SORCS1: variants seen among roughly 807,000 people sequenced by gnomAD.
SORCS1 encodes sortilin related VPS10 domain containing receptor 1, also known as VPS10 domain-containing receptor SorCS1.
Under a neutral mutation model 146.1 loss-of-function variants are expected in SORCS1, and 60 were observed. The ratio of observed to expected loss-of-function variants is 0.41; its 90% CI spans 0.33 to 0.51. The LOEUF (loss-of-function observed/expected upper bound fraction) is 0.51, where lower values mean the gene tolerates loss of function less well. SORCS1 is among the 20% of genes least tolerant of loss of function. The pLI is 0.21. For missense variants in SORCS1, 1,352 were observed against 1,487.6 expected (o/e 0.91, Z 1.50); for synonymous variants, 637 against 584.0 (o/e 1.09, Z -1.31).
chr10:107,150,653 G>C (rs539655445), intron 1 of SORCS1, among the ~76,000 whole-genome samples: 1 of 152,194 alleles, frequency 6.6e-6, no homozygotes, highest in Non-Finnish European at 1.5e-5. Context: ...TTCAATTGTA[G>C]TTCACATAAT....
intron 2 of SORCS1, among the ~76,000 whole-genome samples, chr10:106,842,177 G>A (rs1201745190): frequency 6.6e-6 from 1 of 151,958 alleles, no homozygotes; most frequent in Non-Finnish European, 1.5e-5. Flanking sequence ...AGACATACGA[G>A]GTTTAACATA....
chr10:106,608,608 A>G (rs1439674633), intron 22 of SORCS1, among the ~76,000 whole-genome samples: 2 of 152,192 alleles, frequency 1.3e-5, no homozygotes, highest in Admixed American at 1.3e-4. Flanking sequence ...AGTAACTTAT[A>G]ATATTATTTT....
chr10:107,016,091 C>T (rs1957885700), intron 1 of SORCS1, among the ~76,000 whole-genome samples: 2 of 152,138 alleles, frequency 1.3e-5, no homozygotes, highest in African/African-American at 2.4e-5. Context: ...TTTGAGAGAG[C>T]TACACTACCA....
chr10:106,718,266 T>C (rs1403220496), intron 6 of SORCS1, among the ~76,000 whole-genome samples: 1 of 152,200 alleles, frequency 6.6e-6, no homozygotes, highest in Non-Finnish European at 1.5e-5. Flanking sequence ...GAAAATCATA[T>C]ACAAAGTCAC....
At chr10:106,918,517 A>G (rs1952553416) in intron 2 of SORCS1, among the ~76,000 whole-genome samples, 1 of 151,948 alleles carries the variant, frequency 6.6e-6, no homozygotes, top group Admixed American at 6.6e-5. Flanking sequence ...TTTGCTACAT[A>G]CCCTCACATA....
In SORCS1 at chr10:106,960,996, C is replaced by T. The variant is rs1024499851; in HGVS notation, c.559-4416G>A. On this transcript the variant is annotated intron_variant, in intron 1 of 25. Transcript: ENST00000263054. The surrounding 1 kb of genome is among the most constrained non-coding windows in gnomAD (Gnocchi z 4.4). ...TCCTTCTGGATAGGGAGTTGAGAAA[C>T]CATCACAAAGGACTCTGTGAGAGGA... Among the ~76,000 whole-genome samples, 1 of 152,190 alleles carries T rather than the reference C, an allele frequency of 6.6e-6. No homozygotes were observed. Among genetic ancestry groups the T allele is most frequent in the South Asian group, 2.1e-4 (1 of 4,832 alleles).
At chr10:107,025,094 T>C (rs1252002909) in intron 1 of SORCS1, among the ~76,000 whole-genome samples, 4 of 152,188 alleles carry the variant, frequency 2.6e-5, no homozygotes, top group South Asian at 2.1e-4. Flanking sequence ...ATGACTTCTG[T>C]CAGGTGTTAT....
In SORCS1 at chr10:106,688,216, C is replaced by G. The variant is rs1426879936; in HGVS notation, c.1536G>C (p.Arg512Ser). 3.1e-6 allele frequency: 5 copies of G among 1,613,948 alleles called. No homozygotes were observed. In the South Asian group the frequency reaches 3.3e-5, roughly 11 times the overall value. The change falls in exon 10 of 26, where the codon AGG (arginine) becomes AGC (serine). Residue 512 changes from arginine to serine, a missense_variant. By Grantham distance (110) the Arg-to-Ser change is moderately radical. Coordinates refer to ENST00000263054, the MANE Select transcript of SORCS1 (RefSeq NM_052918.5). ...CCAGCAAGCAGTGCACGGGGTCCCCCCTTAGATCCGTGTCCGGCGCCTGCA... is the reference window on the plus strand; with the variant it reads ...CCAGCAAGCAGTGCACGGGGTCCCCGCTTAGATCCGTGTCCGGCGCCTGCA... Reference protein sequence around the residue: ...RLLQAPDTDLRGDPVHCLLPY... With the variant: ...RLLQAPDTDLSGDPVHCLLPY...
intron 22 of SORCS1, among the ~76,000 whole-genome samples, chr10:106,608,603 CTT>C (rs932089526): frequency 2.0e-5 from 3 of 152,086 alleles, no homozygotes; most frequent in Non-Finnish European, 4.4e-5. Context: ...TTATAAGTAA[CTT>C]ATAATATTAT....
chr10:106,864,211 A>T (rs909375872), intron 2 of SORCS1, among the ~76,000 whole-genome samples: 1 of 152,210 alleles, frequency 6.6e-6, no homozygotes, highest in Non-Finnish European at 1.5e-5. Context: ...AGGTGCTCAC[A>T]TTGGGACTAA....
chr10:106,955,326 G>A (rs968037556), intron 2 of SORCS1, among the ~76,000 whole-genome samples: 5 of 152,212 alleles, frequency 3.3e-5, no homozygotes, highest in Admixed American at 1.3e-4. Flanking sequence ...CATACACCTG[G>A]TCCAGCCACA....
At chr10:107,068,684 G>T (rs2134165971) in intron 1 of SORCS1, among the ~76,000 whole-genome samples, 1 of 152,250 alleles carries the variant, frequency 6.6e-6, no homozygotes, top group Non-Finnish European at 1.5e-5. Flanking sequence ...GGCTAACACG[G>T]TGAAGCCCCA....
rs1845968588 is a variant in SORCS1 at position 106,597,369 on chromosome 10, C to A, written c.3247G>T (p.Ala1083Ser). ...LKPGVRVLVH[A>S]AHLTAAPLVD... ...CACTGACCCGCTGTTAAGTGAGCAG[C>A]ATGGACAAGGACTCGGACTCCTGGC... The change falls in exon 24 of 26, where the codon GCT becomes TCT. Residue 1083 changes from alanine (A) to serine (S), a missense_variant. Ala to Ser is a moderately conservative substitution (Grantham distance 99). Transcript: ENST00000263054. The A allele has an allele frequency of 1.9e-6, 3 of 1,613,786 alleles. No homozygotes were observed.
chr10:107,090,271 C>T (rs754168480), intron 1 of SORCS1, among the ~76,000 whole-genome samples: 8 of 152,276 alleles, frequency 5.3e-5, no homozygotes, highest in Middle Eastern at 3.4e-3. Context: ...ACTCATTGGA[C>T]ACCACAAGAG....
intron 1 of SORCS1, among the ~76,000 whole-genome samples, chr10:107,137,591 T>C (rs1967424655): frequency 1.3e-5 from 2 of 152,184 alleles, no homozygotes; most frequent in South Asian, 4.1e-4. Context: ...AGGCCAGGTG[T>C]GGTGGCTCCG....
At chr10:106,704,009 A>C (rs985467349) in intron 8 of SORCS1, among the ~76,000 whole-genome samples, 1 of 152,170 alleles carries the variant, frequency 6.6e-6, no homozygotes. Flanking sequence ...GACAGATGCA[A>C]ATTTGGGTTC....
intron 2 of SORCS1, among the ~76,000 whole-genome samples, chr10:106,934,100 C>CAAAAAAAAAAAAA (rs57432764): frequency 3.1e-5 from 3 of 97,528 alleles, no homozygotes; most frequent in African/African-American, 3.5e-5. Context: ...TCTCAAAAAA[C>CAAAAAAAAAAAAA]AAAAAAAAAA....
chr10:106,965,021 C>T (rs1219943949), intron 1 of SORCS1, among the ~76,000 whole-genome samples: 2 of 151,448 alleles, frequency 1.3e-5, no homozygotes, highest in African/African-American at 4.9e-5. Flanking sequence ...TTCATTATGT[C>T]ATATAGCAGG....
At chr10:106,687,582 TA>T (rs1410276981) in intron 10 of SORCS1, among the ~76,000 whole-genome samples, 1 of 152,124 alleles carries the variant, frequency 6.6e-6, no homozygotes, top group Non-Finnish European at 1.5e-5. Flanking sequence ...TGTGTTCCAA[TA>T]AAACCCTATT....
Sources: allele counts gnomAD v4.1 joint callset (sites outside exome capture counted in the v4.1 genomes callset), GRCh38; gene constraint gnomAD v4.1.1; non-coding constraint Gnocchi (gnomAD v3.1); transcripts MANE v1.5; gene names NCBI Gene and HGNC (gene_info 2026-07-23, HGNC 2026-07-21).